Variants in FAM114A1 observed in about 807,000 individuals in gnomAD.
FAM114A1 encodes the protein protein NOXP20.
FAM114A1 carries 62 observed loss-of-function variants against 64.3 expected under a neutral mutation model. The observed-to-expected ratio is 0.96, with a 90% CI of 0.79 to 1.19. The LOEUF (loss-of-function observed/expected upper bound fraction) is 1.19. FAM114A1 is among the 50% of genes most tolerant of loss of function. The pLI, the probability that FAM114A1 is intolerant of heterozygous loss-of-function variation, is 0.00. For synonymous variants in FAM114A1, 254 were observed against 251.1 expected, an observed-to-expected ratio of 1.01 and a Z score of -0.11; for missense variants, 645 against 676.3, an observed-to-expected ratio of 0.95 and a Z score of 0.51.
intron 6 of FAM114A1, 59 bp from the exon 7 acceptor site, chr4:38,908,533 G>A (rs1718231634): frequency 6.7e-7 from 1 of 1,495,964 alleles, no homozygotes; most frequent in African/African-American, 1.4e-5. Flanking sequence ...AGGAGTTGCT[G>A]ACTGCTGCGA....
chr4:38,892,872 G>T (rs1716536958), intron 4 of FAM114A1, among the ~76,000 whole-genome samples: 1 of 152,224 alleles, frequency 6.6e-6, no homozygotes, highest in Non-Finnish European at 1.5e-5. Flanking sequence ...TATCTAACTT[G>T]ACAGAGCTTA....
In FAM114A1 at chr4:38,931,465, T is replaced by G; in HGVS notation, c.1176T>G (p.Ala392=). ...PDKLNKAMKR[A]HDWVEEDQTV... The stretch of plus-strand genomic sequence containing the variant: ...GACCTCTGCAGGCCATGAAGAGGGC[T>G]CATGACTGGGTGGAAGAGGATCAAA... Residue 392 remains alanine (A), a synonymous_variant, in exon 11 of 15, where the codon GCT becomes GCG. Transcript: ENST00000358869. 6.2e-7 allele frequency: 1 copy of G among 1,613,278 alleles called. No individual in the cohort carries two copies. Among genetic ancestry groups the G allele is most frequent in the Non-Finnish European group, 8.5e-7 (1 of 1,179,776 alleles).
intron 14 of FAM114A1, 139 bp downstream of exon 14, chr4:38,941,160 T>C: frequency 1.1e-5 from 8 of 710,914 alleles, no homozygotes; most frequent in Non-Finnish European, 1.9e-5. Flanking sequence ...TTGAGTAAAT[T>C]TGTGTAGCTC....
At chr4:38,909,882 A>C (rs1413628298) in intron 7 of FAM114A1, among the ~76,000 whole-genome samples, 1 of 152,188 alleles carries the variant, frequency 6.6e-6, no homozygotes, top group Non-Finnish European at 1.5e-5. Context: ...CCGATGTTAT[A>C]GTCCAGGGAG....
chr4:38,942,041 C>G (rs1721618487), intron 14 of FAM114A1, among the ~76,000 whole-genome samples: 2 of 152,128 alleles, frequency 1.3e-5, no homozygotes, highest in African/African-American at 4.8e-5. Context: ...GACAAGAGAG[C>G]TTGTGCAGAG....
Position 38,878,434 on chromosome 4 carries a change from T to C in FAM114A1, c.348+8T>C, listed in dbSNP as rs1300524952. The C allele has an allele frequency of 3.2e-6, 5 of 1,560,490 alleles. No homozygotes were observed. The highest frequency in any genetic ancestry group is 4.3e-6 in the Non-Finnish European group (5 of 1,151,948). On this transcript the variant is annotated splice_region_variant and intron_variant, in intron 3 of 14. Coordinates refer to ENST00000358869, the MANE Select transcript of FAM114A1 (RefSeq NM_138389.4). ...CAAGAACAGAATTATCTGGTAAGAA[T>C]GGGTCATTCAATTCACTTCGGCCTA...
chr4:38,922,227 A>C (rs1020597649), intron 8 of FAM114A1, among the ~76,000 whole-genome samples: 1 of 152,248 alleles, frequency 6.6e-6, no homozygotes, highest in African/African-American at 2.4e-5. Context: ...GGCGTGAGCC[A>C]CCGCGTCTGG....
At chr4:38,873,428 T>C (rs1243087183) in intron 2 of FAM114A1, among the ~76,000 whole-genome samples, 1 of 152,206 alleles carries the variant, frequency 6.6e-6, no homozygotes, top group African/African-American at 2.4e-5. Context: ...TTGTTGAGCT[T>C]CCTACTATGC....
intron 7 of FAM114A1, among the ~76,000 whole-genome samples, chr4:38,911,675 GACA>G (rs967131124): frequency 6.6e-6 from 1 of 152,014 alleles, no homozygotes; most frequent in Non-Finnish European, 1.5e-5. Flanking sequence ...AGGTCTTTCG[GACA>G]ACTGGAAGGA....
At chr4:38,924,836 G>T (rs1281405641) in intron 9 of FAM114A1, among the ~76,000 whole-genome samples, 6 of 152,174 alleles carry the variant, frequency 3.9e-5, no homozygotes, top group Non-Finnish European at 8.8e-5. Context: ...TCACCAAAAA[G>T]AATCAAGCTA....
At chr4:38,899,768 A>G (rs952754514) in intron 4 of FAM114A1, among the ~76,000 whole-genome samples, 6 of 152,050 alleles carry the variant, frequency 3.9e-5, no homozygotes, top group Non-Finnish European at 7.4e-5. Context: ...AATTTCCTAC[A>G]CACACACACA....
chr4:38,897,079 A>G (rs1248190949), intron 4 of FAM114A1, among the ~76,000 whole-genome samples: 6 of 152,222 alleles, frequency 3.9e-5, no homozygotes. Context: ...TAACAGGAGA[A>G]TAGAAACAAT....
At chr4:38,905,450 T>C (rs1579345161) in intron 4 of FAM114A1, 72 bp from the exon 5 acceptor site, 2 of 1,110,266 alleles carry the variant, frequency 1.8e-6, no homozygotes, top group African/African-American at 1.6e-5. Context: ...AACAGCTTTG[T>C]AAGATTTGGT....
intron 9 of FAM114A1, among the ~76,000 whole-genome samples, chr4:38,924,532 C>A (rs1473374343): frequency 6.6e-6 from 1 of 152,342 alleles, no homozygotes; most frequent in South Asian, 2.1e-4. Context: ...TTTAGACACC[C>A]TTTCCCTCTT....
chr4:38,906,568 C>T (rs1174420236), intron 6 of FAM114A1, among the ~76,000 whole-genome samples: 1 of 152,146 alleles, frequency 6.6e-6, no homozygotes, highest in East Asian at 1.9e-4. Context: ...GAGTCTCACT[C>T]TTGTCACCTA....
chr4:38,873,420 G>C (rs1321529983), intron 2 of FAM114A1, among the ~76,000 whole-genome samples: 1 of 152,200 alleles, frequency 6.6e-6, no homozygotes, highest in Non-Finnish European at 1.5e-5. Flanking sequence ...AGGCATATTT[G>C]TTGAGCTTCC....
In FAM114A1 at chr4:38,878,305, A is replaced by G; in HGVS notation, c.227A>G (p.Asn76Ser). The G allele has an allele frequency of 6.2e-7, 1 of 1,614,228 alleles. No homozygotes were observed. The highest frequency in any genetic ancestry group is 8.5e-7 in the Non-Finnish European group (1 of 1,180,030). ...CCCCCTGTGCAGCCTCAGGATGCCA[A>G]CGCCCTGGAGCCCCCTCTCAATGGA... ...IGPPVQPQDA[N>S]ALEPPLNGDV... Residue 76 changes from asparagine to serine, a missense_variant, in exon 3 of 15, where the codon AAC becomes AGC. Physicochemically the swap from Asn to Ser is conservative, Grantham distance 46. Coordinates refer to ENST00000358869, the MANE Select transcript of FAM114A1 (RefSeq NM_138389.4).
chr4:38,933,220 A>G (rs1398649979), intron 12 of FAM114A1, among the ~76,000 whole-genome samples: 1 of 152,208 alleles, frequency 6.6e-6, no homozygotes, highest in Non-Finnish European at 1.5e-5. Context: ...CATTCTAGGA[A>G]TTATTTATGA....
Position 38,931,567 on chromosome 4 carries a change from C to T in FAM114A1, c.1278C>T (p.Asp426=), listed in dbSNP as rs749527974. Residue 426 remains aspartate, a synonymous_variant, in exon 11 of 15, where the codon GAC becomes GAT. Transcript: ENST00000358869. ...KKEEKEEKSQ[D]PQEDKKEEKK... ...AAGAAAAGGAAGAGAAATCTCAAGA[C>T]CCTCAAGAAGACAAAAAGGAGGAAA... is the stretch of plus-strand genomic sequence containing the variant. The T allele has an allele frequency of 4.3e-6, 7 of 1,613,540 alleles. No individual in the cohort carries two copies. The highest frequency in any genetic ancestry group is 1.7e-5 in the Admixed American group (1 of 59,894).
Sources: allele counts gnomAD v4.1 joint callset (sites outside exome capture counted in the v4.1 genomes callset), GRCh38; gene constraint gnomAD v4.1.1; transcripts MANE v1.5; gene names NCBI Gene and HGNC (gene_info 2026-07-23, HGNC 2026-07-21).